RMDN2: variants seen among roughly 807,000 people sequenced by gnomAD.
RMDN2 encodes regulator of microtubule dynamics protein 2.
In RMDN2, 61 loss-of-function variants were observed where a neutral mutation model predicts 52.8. That is an observed-to-expected ratio of 1.16 (90% confidence interval 0.94 to 1.43). RMDN2 has a LOEUF of 1.43. Ranked by LOEUF, RMDN2 falls within the 40% of genes most tolerant of loss-of-function variation. The probability of loss-of-function intolerance (pLI) is 0.00; values close to 1 mark genes in which losing one functional copy is unlikely to be tolerated. For synonymous variants in RMDN2, 180 were observed against 153.1 expected (o/e 1.18, Z -1.30); for missense variants, 592 against 475.3 (o/e 1.25, Z -2.28).
chr2:38,002,637 G>C (rs1368753106), intron 8 of RMDN2, among the ~76,000 whole-genome samples: 3 of 152,086 alleles, frequency 2.0e-5, no homozygotes, highest in Non-Finnish European at 2.9e-5. Flanking sequence ...GTTTTCAAAA[G>C]CCAAATATCT....
At chr2:38,061,646 C>CACACACACAT (rs1553393406) in intron 10 of RMDN2, among the ~76,000 whole-genome samples, 10 of 149,828 alleles carry the variant, frequency 6.7e-5, no homozygotes, top group Admixed American at 1.3e-4. Flanking sequence ...CACACACACA[C>CACACACACAT]ACACACATAC....
At chr2:37,951,856 CCTT>C (rs1435010872) in intron 2 of RMDN2, 7 of 1,613,390 alleles carry the variant, frequency 4.3e-6, no homozygotes, top group East Asian at 4.5e-5. Context: ...AGCACATCAT[CCTT>C]CTTTTCTCTT....
At chr2:38,050,909 G>A (rs1360134342) in intron 10 of RMDN2, among the ~76,000 whole-genome samples, 1 of 152,122 alleles carries the variant, frequency 6.6e-6, no homozygotes, top group Non-Finnish European at 1.5e-5. Context: ...TTACAGCTGT[G>A]CATTACTACG....
chr2:38,004,871 C>T (rs1385840360), intron 10 of RMDN2, among the ~76,000 whole-genome samples: 1 of 151,830 alleles, frequency 6.6e-6, no homozygotes, highest in Non-Finnish European at 1.5e-5. Context: ...ACAACAGGCC[C>T]CGGTGTGTGA....
chr2:37,931,799 A>G (rs546682793), intron 2 of RMDN2, among the ~76,000 whole-genome samples: 1 of 152,356 alleles, frequency 6.6e-6, no homozygotes, highest in South Asian at 2.1e-4. Flanking sequence ...TGGAAAAACT[A>G]GACACGTCAA....
chr2:37,980,962 A>G (rs1673235252), intron 4 of RMDN2, among the ~76,000 whole-genome samples: 2 of 152,230 alleles, frequency 1.3e-5, no homozygotes, highest in African/African-American at 4.8e-5. Context: ...TGGAATACAG[A>G]AAATTTCTAT....
intron 2 of RMDN2, among the ~76,000 whole-genome samples, chr2:37,932,028 G>A (rs1666789055): frequency 6.6e-6 from 1 of 151,966 alleles, no homozygotes; most frequent in Non-Finnish European, 1.5e-5. Flanking sequence ...TTTGAGAAAG[G>A]AATAAGATAC....
At chr2:38,028,955 C>A (rs567851706) in intron 10 of RMDN2, among the ~76,000 whole-genome samples, 21 of 152,254 alleles carry the variant, frequency 1.4e-4, no homozygotes, top group African/African-American at 5.1e-4. Flanking sequence ...CTCCCTCAAA[C>A]CACTTTCCTG....
At chr2:38,036,671 G>C (rs1680605167) in intron 10 of RMDN2, 1 of 151,440 alleles carries the variant, frequency 6.6e-6, no homozygotes, top group Admixed American at 6.6e-5. Flanking sequence ...AGCAATGAAG[G>C]CTTTCTTACA....
intron 10 of RMDN2, chr2:38,066,943 G>C: frequency 1.2e-6 from 2 of 1,612,130 alleles, no homozygotes; most frequent in African/African-American, 2.7e-5. Flanking sequence ...ATGCCATTTT[G>C]TGCAATTTTT....
chr2:38,001,316 G>A (rs567445063), intron 8 of RMDN2, among the ~76,000 whole-genome samples: 2 of 152,178 alleles, frequency 1.3e-5, no homozygotes, highest in Non-Finnish European at 2.9e-5. Flanking sequence ...TCTTTGCCAG[G>A]TGTTATGATA....
chr2:37,964,013 G>A (rs569660461), intron 2 of RMDN2, among the ~76,000 whole-genome samples: 121 of 148,066 alleles, frequency 8.2e-4, no homozygotes, highest in African/African-American at 2.8e-3. Flanking sequence ...CCTCCCGGAC[G>A]GGGCGGCTGG....
At chr2:38,032,666 C>T (rs1680292616) in intron 10 of RMDN2, among the ~76,000 whole-genome samples, 4 of 152,132 alleles carry the variant, frequency 2.6e-5, no homozygotes, top group Admixed American at 2.6e-4. Flanking sequence ...ATGGGGAAAC[C>T]CCGTTTCTAC....
intron 2 of RMDN2, among the ~76,000 whole-genome samples, chr2:37,931,364 T>C (rs1666727133): frequency 6.6e-6 from 1 of 152,232 alleles, no homozygotes; most frequent in Admixed American, 6.5e-5. Flanking sequence ...TTGAGAGTTA[T>C]CGAAGACAAA....
intron 2 of RMDN2, among the ~76,000 whole-genome samples, chr2:37,933,256 CG>C (rs1460256691): frequency 2.6e-5 from 4 of 151,724 alleles, no homozygotes; most frequent in Non-Finnish European, 5.9e-5. Context: ...GATGGGATGG[CG>C]GCCGGGCAGA....
intron 2 of RMDN2, among the ~76,000 whole-genome samples, chr2:37,966,118 T>C (rs1671008513): frequency 6.6e-6 from 1 of 151,142 alleles, no homozygotes; most frequent in African/African-American, 2.4e-5. Context: ...CCACTTGGAG[T>C]TTGTTAAGTT....
intron 2 of RMDN2, among the ~76,000 whole-genome samples, chr2:37,969,238 C>T (rs1403173375): frequency 1.3e-5 from 2 of 151,882 alleles, no homozygotes; most frequent in Non-Finnish European, 2.9e-5. Context: ...AGGGTCAGGT[C>T]TGTTCCATAG....
intron 10 of RMDN2, chr2:38,012,596 T>A (rs1678162325): frequency 2.1e-6 from 1 of 469,188 alleles, no homozygotes; most frequent in Non-Finnish European, 4.4e-6. Flanking sequence ...TGCATTTTTT[T>A]CCTCAGTGAT....
chr2:38,022,178 C>G (rs796405552), downstream of RMDN2, among the ~76,000 whole-genome samples: 1 of 151,528 alleles, frequency 6.6e-6, no homozygotes, highest in African/African-American at 2.4e-5. Flanking sequence ...GGAAACAAAC[C>G]AAAATAAAGA....
Sources: gnomAD v4.1 joint callset for allele counts (sites outside exome capture counted in the v4.1 genomes callset) on GRCh38, gnomAD v4.1.1 for gene constraint, MANE v1.5 for transcripts, NCBI Gene and HGNC (gene_info 2026-07-23, HGNC 2026-07-21) for gene names.